Variants in FGF13 observed in about 807,000 individuals in gnomAD.
FGF13 encodes the protein fibroblast growth factor homologous factor 2.
A neutral mutation model predicts 19.5 loss-of-function variants in FGF13; 2 were observed. The ratio of observed to expected loss-of-function variants is 0.10; its 90% confidence interval spans 0.04 to 0.32. The LOEUF (loss-of-function observed/expected upper bound fraction) is 0.32. FGF13 is among the 10% of genes least tolerant of loss of function. The pLI is 1.00. For missense variants in FGF13, 113 were observed against 192.7 expected (o/e 0.59, Z 2.45); for synonymous variants, 72 against 76.9 (o/e 0.94, Z 0.33).
intron 1 of FGF13, among the ~76,000 whole-genome samples, chrX:139,173,674 A>T (rs1434928676): frequency 2.7e-5 from 3 of 110,720 alleles, no homozygotes; most frequent in East Asian, 5.7e-4. Flanking sequence ...GTTCCTGTGT[A>T]AGTTTGCTAA....
At chrX:138,915,108 C>A (rs1206057928) in intron 1 of FGF13, among the ~76,000 whole-genome samples, 3 of 111,431 alleles carry the variant, frequency 2.7e-5, no homozygotes, top group Non-Finnish European at 5.7e-5. Flanking sequence ...GTTTTTTCAA[C>A]TCAGAGGCAT....
chrX:138,723,780 T>C (rs1451096063), intron 1 of FGF13, among the ~76,000 whole-genome samples: 1 of 112,127 alleles, frequency 8.9e-6, no homozygotes, highest in Non-Finnish European at 1.9e-5. Flanking sequence ...ACATAAATGG[T>C]ACATTTCATC....
chrX:139,158,327 C>T (rs188458912), intron 1 of FGF13, among the ~76,000 whole-genome samples: 1 of 110,896 alleles, frequency 9.0e-6, no homozygotes, highest in Admixed American at 9.6e-5. Context: ...GCAGAGCCCA[C>T]CCCCATTGAG....
chrX:138,921,034 A>G (rs1391489183), intron 1 of FGF13, among the ~76,000 whole-genome samples: 2 of 111,852 alleles, frequency 1.8e-5, no homozygotes, highest in Admixed American at 9.5e-5. Flanking sequence ...TTTCTTATCT[A>G]TAAAAATACA....
chrX:138,631,465 A>C lies in FGF13; in HGVS notation c.*1385T>G, dbSNP rs894728369. 2 of 112,666 alleles carry C rather than the reference A, an allele frequency of 1.8e-5. No homozygotes were observed. Among genetic ancestry groups the C allele is most frequent in the African/African-American group, 3.2e-5 (1 of 30,977 alleles). 9.3% of individuals were successfully genotyped at this position (112,666 alleles called of 1,213,427 possible). ...GTTAATATGACTCTCTAGACTGTAG[A>C]CTATCTGAGGACAGTGACCTTATCT... On this transcript the variant is annotated 3_prime_UTR_variant, in exon 5 of 5. Coordinates refer to ENST00000315930, the MANE Select transcript of FGF13 (RefSeq NM_004114.5).
chrX:139,123,584 C>T (rs1176150838), intron 1 of FGF13, among the ~76,000 whole-genome samples: 2 of 112,160 alleles, frequency 1.8e-5, no homozygotes, highest in South Asian at 3.7e-4. Flanking sequence ...GCACTCTAGG[C>T]ACTATTCCCT....
At chrX:139,153,831 G>A (rs2083955279) in intron 1 of FGF13, among the ~76,000 whole-genome samples, 1 of 111,262 alleles carries the variant, frequency 9.0e-6, no homozygotes, top group South Asian at 3.8e-4. Flanking sequence ...TTTGGACATA[G>A]AGAAAGGGGA....
In FGF13 at chrX:138,745,622, ATTCAT is replaced by A. The variant is rs759060355; in HGVS notation, c.218-36699_218-36695del. Among the ~76,000 whole-genome samples the A allele has an allele frequency of 7.1e-5, 8 of 112,456 alleles. No homozygotes were observed. The South Asian group carries it at 1.8e-3, about 26-fold the overall frequency. On this transcript the variant is annotated intron_variant, in intron 3 of 6. Transcript: ENST00000436198. ...CAAAACAAATCAAATTACAATCCTT[ATTCAT>A]TTCATTTATCTTGAAGATTCTCTTG...
intron 1 of FGF13, among the ~76,000 whole-genome samples, chrX:138,898,601 T>A (rs1033314225): frequency 1.8e-5 from 2 of 112,155 alleles, no homozygotes; most frequent in Non-Finnish European, 1.9e-5. Context: ...TGTGTCCTTT[T>A]ACTATTTTGA....
At chrX:138,808,496 T>A in intron 3 of FGF13, among the ~76,000 whole-genome samples, 1 of 111,161 alleles carries the variant, frequency 9.0e-6, no homozygotes, top group Non-Finnish European at 1.9e-5. Flanking sequence ...GGAGGAAAGA[T>A]CTAAAATTGA....
intron 1 of FGF13, among the ~76,000 whole-genome samples, chrX:138,884,662 T>C (rs2091443185): frequency 8.9e-6 from 1 of 111,927 alleles, no homozygotes; most frequent in Admixed American, 9.5e-5. Context: ...ATCAATTAAA[T>C]GACGTAAAGA....
chrX:138,942,955 A>G (rs2091765729), intron 1 of FGF13, among the ~76,000 whole-genome samples: 1 of 111,865 alleles, frequency 8.9e-6, no homozygotes, highest in Non-Finnish European at 1.9e-5. Flanking sequence ...GGCCTGACAA[A>G]TAGTTTCTGA....
chrX:139,119,480 G>A (rs747558013), intron 1 of FGF13, among the ~76,000 whole-genome samples: 15 of 111,868 alleles, frequency 1.3e-4, no homozygotes, highest in South Asian at 3.8e-4. Context: ...GAGGCACAGC[G>A]AAGTGACATA....
exon 3 of FGF13, chrX:138,857,641 T>C: frequency 8.3e-7 from 1 of 1,207,579 alleles, no homozygotes; most frequent in Non-Finnish European, 1.1e-6. Context: ...TGTCGTAACA[T>C]AATGTATTCC....
rs778270352 is a variant in FGF13, at chrX:139,012,931, T to C, written c.-112-148281A>G. ...AGACAACCCACAGAGTGGGAGAAAA[T>C]CTTCACAATTTACACATCCAACAAA... On this transcript the variant is annotated intron_variant, in intron 1 of 2. Coordinates refer to the FGF13 transcript ENST00000421460. Among the ~76,000 whole-genome samples, 10 of 111,063 alleles carry C rather than the reference T, an allele frequency of 9.0e-5. No individual in the cohort carries two copies. In the South Asian group the frequency reaches 3.4e-3, roughly 38 times the overall value.
chrX:138,781,335 A>G (rs1258861066), intron 3 of FGF13, among the ~76,000 whole-genome samples: 1 of 110,102 alleles, frequency 9.1e-6, no homozygotes, highest in Non-Finnish European at 1.9e-5. Flanking sequence ...ACTGAAGGAA[A>G]TAGAGACACA....
At chrX:138,955,706 A>C (rs2091837824) in intron 1 of FGF13, among the ~76,000 whole-genome samples, 1 of 112,083 alleles carries the variant, frequency 8.9e-6, no homozygotes, top group Admixed American at 9.5e-5. Context: ...GTTATCTCTA[A>C]GTAGGTCTCT....
intron 1 of FGF13, among the ~76,000 whole-genome samples, chrX:138,970,573 T>C (rs962319368): frequency 8.9e-6 from 1 of 111,915 alleles, no homozygotes; most frequent in Non-Finnish European, 1.9e-5. Context: ...AGGATGCTTC[T>C]AGTCCAATTG....
At chrX:139,045,191 A>C (rs2092283113) in intron 1 of FGF13, among the ~76,000 whole-genome samples, 2 of 112,300 alleles carry the variant, frequency 1.8e-5, no homozygotes, top group Admixed American at 1.9e-4. Context: ...GTGGTACCTC[A>C]AACTGTACCT....
Sources: allele counts gnomAD v4.1 joint callset (sites outside exome capture counted in the v4.1 genomes callset), GRCh38; gene constraint gnomAD v4.1.1; transcripts MANE v1.5; gene names NCBI Gene and HGNC (gene_info 2026-07-23, HGNC 2026-07-21).